COL6A1: variants seen among roughly 807,000 people sequenced by gnomAD.
COL6A1 encodes the protein collagen alpha-1(VI) chain.
In COL6A1, 80 loss-of-function variants were observed where a neutral mutation model predicts 145.6. That is an observed-to-expected ratio of 0.55 (90% confidence interval 0.46 to 0.66). The LOEUF is 0.66. Ranked by LOEUF, COL6A1 falls within the 30% of genes least tolerant of loss-of-function variation. The pLI, the probability that COL6A1 is intolerant of heterozygous loss-of-function variation, is 0.00. For missense variants in COL6A1, 1,364 were observed against 1,473.8 expected, an observed-to-expected ratio of 0.93 and a Z score of 1.22; for synonymous variants, 638 against 622.8, an observed-to-expected ratio of 1.02 and a Z score of -0.36.
At chr21:45,989,704 A>C in intron 10 of COL6A1, 48 bp from the exon 11 acceptor site, 1 of 1,613,024 alleles carries the variant, frequency 6.2e-7, no homozygotes, top group Non-Finnish European at 8.5e-7. Context: ...TCAGCCTTGC[A>C]CAGCACTAAC....
chr21:46,002,379 T>G lies in COL6A1; in HGVS notation c.2228T>G (p.Val743Gly). Residue 743 changes from valine (V) to glycine (G), a missense_variant, in exon 32 of 35, where the codon GTG becomes GGG. Physicochemically the swap from Val to Gly is moderately radical, Grantham distance 109 (BLOSUM62 -3). Transcript: ENST00000361866. ...DTQRDTTPLN[V>G]LCSPGIQVVS... is the part of the protein sequence containing the mutation. ...CAGAGGGACACCACACCGCTCAACGTGCTCTGCAGCCCCGGCATCCAGGTG... is the reference window on the plus strand; with the variant it reads ...CAGAGGGACACCACACCGCTCAACGGGCTCTGCAGCCCCGGCATCCAGGTG... 1 of 1,597,826 alleles carries G rather than the reference T, an allele frequency of 6.3e-7. No homozygotes were observed. Among genetic ancestry groups the G allele is most frequent in the Non-Finnish European group, 8.5e-7 (1 of 1,172,552 alleles).
chr21:45,998,263 G>C, intron 23 of COL6A1, 92 bp downstream of exon 23: 1 of 1,578,706 alleles, frequency 6.3e-7, no homozygotes, highest in South Asian at 1.1e-5. Flanking sequence ...TGGGCGGGCT[G>C]GCCCCAGGAC....
At chr21:45,984,793 CAGAG>C (rs751341369) in intron 3 of COL6A1, among the ~76,000 whole-genome samples, 1 of 146,366 alleles carries the variant, frequency 6.8e-6, no homozygotes, top group Non-Finnish European at 1.5e-5. Context: ...GACAGAGACA[CAGAG>C]AGAGACACAG....
At position 45,992,341 on chromosome 21, in the gene COL6A1, C is replaced by T. The variant is rs529912759; in HGVS notation, c.1237-22C>T. On this transcript the variant is annotated intron_variant, in intron 17 of 34. Transcript: ENST00000361866. ...AGTGTGTCCACCAGACTAACGCCGG[C>T]GTCTGTTTCTCTTCATCCCAGGGGA... 3.8e-5 allele frequency: 61 copies of T among 1,613,816 alleles called. No individual in the cohort carries two copies. The East Asian group carries it at 9.1e-4, about 24-fold the overall frequency.
rs768256603 is a variant in COL6A1 at position 45,992,794 on chromosome 21, G to T, written c.1319G>T (p.Gly440Val). 1 of 1,600,324 alleles carries T rather than the reference G, an allele frequency of 6.2e-7. No individual in the cohort carries two copies. The highest frequency in any genetic ancestry group is 8.5e-7 in the Non-Finnish European group (1 of 1,174,112). ...CCACGGGGGACCCCAGGCACGCGGG[G>T]ACCAAGAGGAGACCCTGTGAGTCAC... Reference protein sequence around the residue: ...RGPRGTPGTRGPRGDPGEAGP... With the variant: ...RGPRGTPGTRVPRGDPGEAGP... Residue 440 changes from glycine to valine, a missense_variant, in exon 19 of 35, where the codon GGA (glycine) becomes GTA (valine). This residue lies in a region of COL6A1 where 938 missense variants were observed against 1,003.8 expected (regional missense o/e 0.93). Coordinates refer to ENST00000361866, the MANE Select transcript of COL6A1 (RefSeq NM_001848.3).
chr21:46,003,414 A>G lies in COL6A1; in HGVS notation c.2488A>G (p.Ile830Val), dbSNP rs1382314465. The stretch of plus-strand genomic sequence containing the variant: ...AGTCACGTTCTCCTCCCCGGCTGAC[A>G]TCACCATCCTGCTGGACGGCTCCGC... ...CPITFSSPAD[I>V]TILLDGSASV... Residue 830 changes from isoleucine (I) to valine (V), a missense_variant, in exon 35 of 35, where the codon ATC becomes GTC. By Grantham distance (29) the Ile-to-Val change is conservative (BLOSUM62 3). Around this residue, in one of 3 missense-constraint regions of COL6A1, gnomAD observed 938 missense variants for 1,003.8 expected, o/e 0.93. Coordinates refer to ENST00000361866, the MANE Select transcript of COL6A1 (RefSeq NM_001848.3). 1 of 1,601,790 alleles carries G rather than the reference A, an allele frequency of 6.2e-7. No homozygotes were observed. Among genetic ancestry groups the G allele is most frequent in the Non-Finnish European group, 8.5e-7 (1 of 1,179,764 alleles).
chr21:45,990,149 C>T, intron 11 of COL6A1, 109 bp from the exon 12 acceptor site: 2 of 1,311,950 alleles, frequency 1.5e-6, no homozygotes, highest in East Asian at 2.3e-5. Flanking sequence ...GTGATGTTGT[C>T]CCCTCGGGTT....
In COL6A1 at chr21:45,986,668, A is replaced by G. The variant is rs1273238821; in HGVS notation, c.571A>G (p.Ile191Val). 6.5e-7 allele frequency: 1 copy of G among 1,548,558 alleles called. No individual in the cohort carries two copies. The highest frequency in any genetic ancestry group is 8.7e-7 in the Non-Finnish European group (1 of 1,147,060). ...GGGCGTCAAAGTCTTCTCGGTGGCC[A>G]TCACACCCGACCACCTGGTAGGCAC... ...HLGVKVFSVA[I>V]TPDHLEPRLS... Residue 191 changes from isoleucine (I) to valine (V), a missense_variant, in exon 4 of 35, where the codon ATC becomes GTC. Coordinates refer to ENST00000361866, the MANE Select transcript of COL6A1 (RefSeq NM_001848.3).
At position 45,989,660 on chromosome 21, in the gene COL6A1, C is replaced by T; in HGVS notation, c.903+8C>T. On this transcript the variant is annotated splice_region_variant and intron_variant, in intron 10 of 34. Coordinates refer to ENST00000361866, the MANE Select transcript of COL6A1 (RefSeq NM_001848.3). ...GGGTACCAGGGAATGAAGGTACGTG[C>T]CCCCCCTTTCCTGGCCCGAGCCCGG... 4 of 1,611,310 alleles carry T rather than the reference C, an allele frequency of 2.5e-6. No homozygotes were observed. Among genetic ancestry groups the T allele is most frequent in the East Asian group, 2.2e-5 (1 of 44,860 alleles).
intron 12 of COL6A1, 22 bp from the exon 13 acceptor site, chr21:45,990,356 C>T: frequency 6.2e-7 from 1 of 1,604,846 alleles, no homozygotes; most frequent in Admixed American, 1.7e-5. Flanking sequence ...CTGACTCCTG[C>T]CTTCGTTTTC....
chr21:45,990,291 G>C lies in COL6A1; in HGVS notation c.957+7G>C, dbSNP rs764488809. ...GGGACCCAAGGGCTACAAGGTGAGCGTGGGCTGCTGGGAGGGGGGAGTTCT... is the reference window on the plus strand; with the variant it reads ...GGGACCCAAGGGCTACAAGGTGAGCCTGGGCTGCTGGGAGGGGGGAGTTCT... On this transcript the variant is annotated splice_region_variant and intron_variant, in intron 12 of 34. Coordinates refer to ENST00000361866, the MANE Select transcript of COL6A1 (RefSeq NM_001848.3). 2 of 1,612,798 alleles carry C rather than the reference G, an allele frequency of 1.2e-6. No homozygotes were observed. The highest frequency in any genetic ancestry group is 1.7e-6 in the Non-Finnish European group (2 of 1,179,982).
intron 15 of COL6A1, among the ~76,000 whole-genome samples, chr21:45,991,656 C>A (rs749822077): frequency 6.6e-6 from 1 of 152,200 alleles, no homozygotes; most frequent in Non-Finnish European, 1.5e-5. Context: ...TAGAACCCAG[C>A]AGACGGTTTC....
At chr21:45,988,954 A>T (rs1306483392) in intron 8 of COL6A1, 130 bp from the exon 9 acceptor site, 1 of 1,048,876 alleles carries the variant, frequency 9.5e-7, no homozygotes, top group East Asian at 2.6e-5. Context: ...ACCAGATGTG[A>T]TGGGGAAGGT....
chr21:45,982,768 G>T lies in COL6A1; in HGVS notation c.227+5G>T, dbSNP rs1411184556. On this transcript the variant is annotated splice_donor_5th_base_variant and intron_variant, in intron 2 of 34. Transcript: ENST00000361866. ...CATCGACAACCTGAGGGACAGGTAG[G>T]AGGGACGCCCCGTGACCTTCCTCCT... 6.2e-7 allele frequency: 1 copy of T among 1,611,938 alleles called. No homozygotes were observed.
rs534523401 is a variant in COL6A1, at chr21:45,994,519, C to G, written c.1398+290C>G. On this transcript the variant is annotated intron_variant, in intron 20 of 34. Coordinates refer to ENST00000361866, the MANE Select transcript of COL6A1 (RefSeq NM_001848.3). The surrounding 1 kb of genome is among the most constrained non-coding windows in gnomAD (Gnocchi z 6.8). Reference sequence around the variant, plus strand: ...GGGGGCCCATCCGGGGCAAGGGTGCCTCACAGTGAGGAAGAGGTGTTGGAG... The same window carrying G: ...GGGGGCCCATCCGGGGCAAGGGTGCGTCACAGTGAGGAAGAGGTGTTGGAG... Among the ~76,000 whole-genome samples the G allele has an allele frequency of 4.6e-5, 7 of 152,192 alleles. No homozygotes were observed. In the South Asian group the frequency reaches 1.5e-3, roughly 32 times the overall value.
chr21:46,002,484 G>A (rs938241332), intron 32 of COL6A1, 43 bp from the exon 33 acceptor site: 1 of 1,613,572 alleles, frequency 6.2e-7, no homozygotes, highest in Non-Finnish European at 8.5e-7. Context: ...GAAAGACGAG[G>A]GCAGAGCAGG....
intron 2 of COL6A1, 72 bp downstream of exon 2, chr21:45,982,835 G>A (rs2077715815): frequency 1.3e-6 from 2 of 1,588,244 alleles, no homozygotes; most frequent in Admixed American, 1.7e-5. Flanking sequence ...GGGCCCAGGG[G>A]AACACGGGTG....
intron 4 of COL6A1, 46 bp downstream of exon 4, chr21:45,986,731 G>A: frequency 6.5e-7 from 1 of 1,536,958 alleles, no homozygotes; most frequent in Non-Finnish European, 8.7e-7. Flanking sequence ...CACAGGGAGT[G>A]GCGGCTGCAA....
In COL6A1 at chr21:46,002,041, C is replaced by T; in HGVS notation, c.2037C>T (p.Pro679=). ...AGGAGCACGTGAGCCTGCGCAGCCC[C>T]AGCATCCGGAACGTGCAGGAGCTCA... The part of the protein sequence containing the change: ...QMQEHVSLRS[P]SIRNVQELKE... Residue 679 remains proline (P), a synonymous_variant, in exon 31 of 35, where the codon CCC becomes CCT. Transcript: ENST00000361866. 1.2e-6 allele frequency: 2 copies of T among 1,612,480 alleles called. No homozygotes were observed. The highest frequency in any genetic ancestry group is 1.7e-6 in the Non-Finnish European group (2 of 1,179,812).
Sources: allele counts gnomAD v4.1 joint callset (sites outside exome capture counted in the v4.1 genomes callset), GRCh38; gene constraint gnomAD v4.1.1; regional missense constraint gnomAD v4.1.1; non-coding constraint Gnocchi (gnomAD v3.1); transcripts MANE v1.5; gene names NCBI Gene and HGNC (gene_info 2026-07-23, HGNC 2026-07-21).